The following BMERB1 variants were observed in gnomAD, a reference collection of about 807,000 sequenced individuals.
BMERB1 encodes bMERB domain containing 1, also known as bMERB domain-containing protein 1.
BMERB1 carries 12 observed loss-of-function variants against 23.6 expected under a neutral mutation model. That is an observed-to-expected ratio of 0.51 (90% CI 0.33 to 0.82). BMERB1 has a LOEUF of 0.82. BMERB1 is among the 40% of genes least tolerant of loss of function. BMERB1 has a pLI of 0.03. For synonymous variants in BMERB1, 122 were observed against 96.6 expected, an observed-to-expected ratio of 1.26 and a Z score of -1.54; for missense variants, 247 against 255.4, an observed-to-expected ratio of 0.97 and a Z score of 0.22.
intron 1 of BMERB1, among the ~76,000 whole-genome samples, chr16:15,499,230 T>G (rs1017433374): frequency 1.3e-5 from 2 of 152,030 alleles, no homozygotes; most frequent in African/African-American, 4.8e-5. Flanking sequence ...AAACTCTGTC[T>G]CTACCAAAAA....
At chr16:15,495,080 C>T (rs943481734) in intron 1 of BMERB1, among the ~76,000 whole-genome samples, 8 of 151,602 alleles carry the variant, frequency 5.3e-5, no homozygotes, top group Non-Finnish European at 8.8e-5. Flanking sequence ...GGTGGGGTTT[C>T]ACCACGTTGG....
At chr16:15,549,757 T>A (rs1200298509) in intron 2 of BMERB1, among the ~76,000 whole-genome samples, 1 of 152,136 alleles carries the variant, frequency 6.6e-6, no homozygotes. Context: ...GGGACTTACC[T>A]TAGAGCTGCC....
rs934521258 is a variant in BMERB1 at position 15,582,556 on chromosome 16, AT to A, written c.420-589del. Reference sequence around the variant, plus strand: ...ATAGTGAGACCCCCCTATCTCTACAATTTTTTTTTTTAATTAACTAGGAGTG... The same window carrying A: ...ATAGTGAGACCCCCCTATCTCTACAATTTTTTTTTTAATTAACTAGGAGTG... On this transcript the variant is annotated intron_variant, in intron 4 of 5. Coordinates refer to ENST00000300006, the MANE Select transcript of BMERB1 (RefSeq NM_033201.3). Among the ~76,000 whole-genome samples, 9 of 149,002 alleles carry A rather than the reference AT, an allele frequency of 6.0e-5. No homozygotes were observed. In the East Asian group the frequency reaches 7.8e-4, roughly 13 times the overall value.
chr16:15,502,992 A>G (rs2051546362), intron 1 of BMERB1, among the ~76,000 whole-genome samples: 1 of 152,144 alleles, frequency 6.6e-6, no homozygotes, highest in Non-Finnish European at 1.5e-5. Flanking sequence ...ACTCTTTGTG[A>G]TGTCTAGGCA....
chr16:15,554,663 C>CTTTTTTTT (rs55937169), intron 2 of BMERB1, among the ~76,000 whole-genome samples: 2 of 144,556 alleles, frequency 1.4e-5, no homozygotes, highest in African/African-American at 2.6e-5. Flanking sequence ...ACCAAGTATT[C>CTTTTTTTT]TTTTTTTTTT....
At chr16:15,550,175 G>A (rs1199867853) in intron 2 of BMERB1, among the ~76,000 whole-genome samples, 3 of 152,112 alleles carry the variant, frequency 2.0e-5, no homozygotes, top group African/African-American at 7.2e-5. Flanking sequence ...TCCTGACCTC[G>A]TGATCCACCC....
At chr16:15,444,589 G>A (rs900167647) in intron 1 of BMERB1, among the ~76,000 whole-genome samples, 5 of 152,210 alleles carry the variant, frequency 3.3e-5, no homozygotes, top group Non-Finnish European at 5.9e-5. Flanking sequence ...ATTGATGGTA[G>A]CAGTGTGAAG....
intron 2 of BMERB1, 58 bp downstream of exon 2, chr16:15,515,486 TA>T: frequency 6.4e-7 from 1 of 1,570,738 alleles, no homozygotes; most frequent in Non-Finnish European, 8.6e-7. Flanking sequence ...GAGGAAAACC[TA>T]ATATTTGTTG....
At chr16:15,508,702 T>C (rs936577363) in intron 1 of BMERB1, among the ~76,000 whole-genome samples, 1 of 151,736 alleles carries the variant, frequency 6.6e-6, no homozygotes, top group Admixed American at 6.6e-5. Flanking sequence ...GGAGTGAACC[T>C]GTAATTTCAG....
At chr16:15,544,100 G>A (rs958267519) in intron 2 of BMERB1, among the ~76,000 whole-genome samples, 3 of 152,122 alleles carry the variant, frequency 2.0e-5, no homozygotes, top group Non-Finnish European at 4.4e-5. Context: ...GTAGAAAAAA[G>A]ACGACATTAA....
intron 1 of BMERB1, among the ~76,000 whole-genome samples, chr16:15,453,754 C>T (rs1389881797): frequency 6.6e-6 from 1 of 151,868 alleles, no homozygotes; most frequent in East Asian, 1.9e-4. Context: ...CGTGCCTGTA[C>T]ACCCAGCTAC....
chr16:15,549,704 G>A (rs2030026707), intron 2 of BMERB1, among the ~76,000 whole-genome samples: 1 of 151,958 alleles, frequency 6.6e-6, no homozygotes, highest in African/African-American at 2.4e-5. Context: ...TTCCTAAACA[G>A]GAGGGGCTTA....
At chr16:15,451,138 CT>C (rs2051037777) in intron 1 of BMERB1, among the ~76,000 whole-genome samples, 1 of 152,156 alleles carries the variant, frequency 6.6e-6, no homozygotes, top group Admixed American at 6.6e-5. Flanking sequence ...ATCTATGCTG[CT>C]AAAGTTAAGT....
At chr16:15,530,151 C>T (rs1301543650) in intron 2 of BMERB1, among the ~76,000 whole-genome samples, 1 of 152,236 alleles carries the variant, frequency 6.6e-6, no homozygotes, top group Non-Finnish European at 1.5e-5. Context: ...CTTTGCTCTT[C>T]TGTGTCAAAT....
At chr16:15,454,705 T>G (rs1364876379) in intron 1 of BMERB1, among the ~76,000 whole-genome samples, 1 of 151,548 alleles carries the variant, frequency 6.6e-6, no homozygotes, top group Non-Finnish European at 1.5e-5. Context: ...GGCAGGAGAA[T>G]CGCTTGAACC....
intron 1 of BMERB1, among the ~76,000 whole-genome samples, chr16:15,514,532 CTG>C (rs1403542044): frequency 3.9e-5 from 6 of 151,966 alleles, no homozygotes; most frequent in Admixed American, 6.6e-5. Context: ...GGCCTCACGA[CTG>C]TAATCCCAGC....
intron 2 of BMERB1, among the ~76,000 whole-genome samples, chr16:15,562,026 G>A (rs140422165): frequency 2.8e-3 from 430 of 151,948 alleles, no homozygotes; most frequent in African/African-American, 9.6e-3. Context: ...AAAACATGAC[G>A]GCTAGGTGCG....
intron 2 of BMERB1, among the ~76,000 whole-genome samples, chr16:15,565,058 A>C (rs1301222458): frequency 2.6e-5 from 4 of 152,058 alleles, no homozygotes; most frequent in Non-Finnish European, 4.4e-5. Context: ...TATGCAAAAA[A>C]AAAAAAAAGC....
chr16:15,466,597 C>G (rs145867698), intron 1 of BMERB1, among the ~76,000 whole-genome samples: 88 of 152,030 alleles, frequency 5.8e-4, no homozygotes, highest in African/African-American at 1.9e-3. Flanking sequence ...TCTATGTATG[C>G]CTTTCACCCA....
Sources: gnomAD v4.1 joint callset for allele counts (sites outside exome capture counted in the v4.1 genomes callset) on GRCh38, gnomAD v4.1.1 for gene constraint, MANE v1.5 for transcripts, NCBI Gene and HGNC (gene_info 2026-07-23, HGNC 2026-07-21) for gene names.